Variants in ARNT observed in about 807,000 individuals in gnomAD.
ARNT encodes the protein class E basic helix-loop-helix protein 2.
ARNT carries 30 observed loss-of-function variants against 105.0 expected under a neutral mutation model. That is an observed-to-expected ratio of 0.29 (90% CI 0.21 to 0.39). The LOEUF (loss-of-function observed/expected upper bound fraction) is 0.39, where lower values mean the gene tolerates loss of function less well. Among genes scored for constraint, ARNT ranks in the 10% least tolerant of loss-of-function variants. ARNT has a pLI of 1.00. For synonymous variants in ARNT, 304 were observed against 344.0 expected (o/e 0.88, Z 1.29); for missense variants, 748 against 978.7 (o/e 0.76, Z 3.15).
chr1:150,855,494 G>A (rs587729705), intron 2 of ARNT, among the ~76,000 whole-genome samples: 42 of 151,892 alleles, frequency 2.8e-4, no homozygotes, highest in African/African-American at 8.4e-4. Flanking sequence ...CCCAGGAGGC[G>A]GAGCTTGCAG....
At position 150,848,313 on chromosome 1, in the gene ARNT, G is replaced by A. The variant is rs587769407; in HGVS notation, c.183-2006C>T. Among the ~76,000 whole-genome samples, 6 of 152,220 alleles carry A rather than the reference G, an allele frequency of 3.9e-5. No homozygotes were observed. The South Asian group carries it at 1.0e-3, about 26-fold the overall frequency. ...GCTACTAAAAGTACAAAAATTAGCC[G>A]GGCATGGTGGCAGGCGCCTGTAATC... is the stretch of plus-strand genomic sequence containing the variant. On this transcript the variant is annotated intron_variant, in intron 3 of 21. Coordinates refer to ENST00000358595, the MANE Select transcript of ARNT (RefSeq NM_001668.4).
At chr1:150,812,816 A>G in intron 21 of ARNT, 1 of 171,482 alleles carries the variant, frequency 5.8e-6, no homozygotes. Context: ...ATGGTGCTAA[A>G]TTTGTCTGTT....
intron 19 of ARNT, among the ~76,000 whole-genome samples, chr1:150,815,365 G>A (rs1315028067): frequency 1.3e-5 from 2 of 151,426 alleles, no homozygotes; most frequent in African/African-American, 2.4e-5. Flanking sequence ...TGGCTAACAC[G>A]GTGAAATGCC....
intron 6 of ARNT, among the ~76,000 whole-genome samples, chr1:150,838,879 C>T (rs1571317449): frequency 6.6e-6 from 1 of 152,152 alleles, no homozygotes; most frequent in African/African-American, 2.4e-5. Context: ...TCTCTTTATG[C>T]ATTTTCCTGT....
At chr1:150,836,198 T>G in intron 7 of ARNT, 82 bp downstream of exon 7, 1 of 1,401,228 alleles carries the variant, frequency 7.1e-7, no homozygotes, top group Non-Finnish European at 9.8e-7. Context: ...ACAAACCAAT[T>G]TAACAGCTAA....
chr1:150,828,138 A>G (rs1027214314), intron 12 of ARNT, among the ~76,000 whole-genome samples: 2 of 152,086 alleles, frequency 1.3e-5, no homozygotes, highest in Non-Finnish European at 2.9e-5. Flanking sequence ...GCAAATTTTA[A>G]TTACAATTAA....
At chr1:150,855,477 G>C (rs945235875) in intron 2 of ARNT, among the ~76,000 whole-genome samples, 1 of 151,988 alleles carries the variant, frequency 6.6e-6, no homozygotes. Flanking sequence ...CAGGAGAATA[G>C]CATGAACCCA....
chr1:150,842,362 GA>G lies in ARNT; in HGVS notation c.272+61del, dbSNP rs1476546118. 14 of 1,575,740 alleles carry G rather than the reference GA, an allele frequency of 8.9e-6. No homozygotes were observed. The African/African-American group carries it at 9.6e-5, about 11-fold the overall frequency. On this transcript the variant is annotated intron_variant, in intron 5 of 21. Transcript: ENST00000358595. ...GAAAGGGGAAGAAAAGAAAGAGTAA[GA>G]AAAAGGATAGAAAAAGCAGCATCAT...
chr1:150,826,963 T>A (rs1206696703), intron 12 of ARNT, among the ~76,000 whole-genome samples: 2 of 152,014 alleles, frequency 1.3e-5, no homozygotes, highest in Non-Finnish European at 2.9e-5. Context: ...TATAATTTTA[T>A]GGTCATCTAA....
intron 5 of ARNT, among the ~76,000 whole-genome samples, chr1:150,841,553 G>C (rs1193120021): frequency 6.6e-6 from 1 of 151,862 alleles, no homozygotes; most frequent in African/African-American, 2.4e-5. Context: ...GGAAATAGTA[G>C]AAAAAAGGGG....
At chr1:150,854,431 G>A (rs1571421389) in intron 2 of ARNT, among the ~76,000 whole-genome samples, 1 of 125,242 alleles carries the variant, frequency 8.0e-6, no homozygotes, top group Admixed American at 9.9e-5. Flanking sequence ...GGTGGCGCAT[G>A]TGTAGTCCTA....
intron 1 of ARNT, among the ~76,000 whole-genome samples, chr1:150,867,113 A>G (rs1475884100): frequency 6.6e-6 from 1 of 152,156 alleles, no homozygotes; most frequent in Non-Finnish European, 1.5e-5. Flanking sequence ...CTGAGGCACA[A>G]AAATCATTTG....
intron 17 of ARNT, 64 bp from the exon 18 acceptor site, chr1:150,816,954 T>C: frequency 6.3e-7 from 1 of 1,599,988 alleles, no homozygotes; most frequent in Non-Finnish European, 8.5e-7. Flanking sequence ...GTTCAGCAAG[T>C]TCCTATTTAC....
At chr1:150,859,407 C>T (rs1480463671) in intron 1 of ARNT, among the ~76,000 whole-genome samples, 1 of 150,880 alleles carries the variant, frequency 6.6e-6, no homozygotes, top group Non-Finnish European at 1.5e-5. Flanking sequence ...AGTACAGTGG[C>T]ATGATCATGG....
intron 7 of ARNT, 55 bp from the exon 8 acceptor site, chr1:150,834,695 G>C (rs1341846588): frequency 8.1e-6 from 12 of 1,478,504 alleles, no homozygotes; most frequent in South Asian, 6.8e-5. Flanking sequence ...TGGGGAAGAG[G>C]GGGAGAGATA....
intron 1 of ARNT, among the ~76,000 whole-genome samples, chr1:150,871,054 A>G (rs999296759): frequency 4.6e-5 from 7 of 152,068 alleles, no homozygotes; most frequent in African/African-American, 1.7e-4. Flanking sequence ...GAAATTATGA[A>G]AAGTGACATA....
intron 1 of ARNT, among the ~76,000 whole-genome samples, chr1:150,865,247 C>T (rs945722433): frequency 3.9e-5 from 6 of 152,012 alleles, no homozygotes; most frequent in African/African-American, 1.2e-4. Flanking sequence ...TTCACTCACA[C>T]ACAGGAAAAA....
intron 1 of ARNT, among the ~76,000 whole-genome samples, chr1:150,862,965 C>A (rs905987375): frequency 6.6e-6 from 1 of 150,668 alleles, no homozygotes; most frequent in Non-Finnish European, 1.5e-5. Flanking sequence ...GCAGAAGAAT[C>A]GCTTGAACAC....
intron 21 of ARNT, 65 bp downstream of exon 21, chr1:150,813,107 C>G: frequency 6.5e-7 from 1 of 1,548,154 alleles, no homozygotes; most frequent in Non-Finnish European, 8.8e-7. Flanking sequence ...CCTTCACTGT[C>G]TCTCCTCCTC....
Sources: allele counts gnomAD v4.1 joint callset (sites outside exome capture counted in the v4.1 genomes callset), GRCh38; gene constraint gnomAD v4.1.1; transcripts MANE v1.5; gene names NCBI Gene and HGNC (gene_info 2026-07-23, HGNC 2026-07-21).